Variants in SPATA6 observed in about 807,000 individuals in gnomAD.
The protein encoded by SPATA6 is spermatogenesis associated 6, also known as spermatogenesis-associated protein 6.
SPATA6 carries 56 observed loss-of-function variants against 65.3 expected under a neutral mutation model. That is an observed-to-expected ratio of 0.86 (90% CI 0.69 to 1.07). The LOEUF (loss-of-function observed/expected upper bound fraction) is 1.07, where lower values mean the gene tolerates loss of function less well. Among genes scored for constraint, SPATA6 ranks in the 50% least tolerant of loss-of-function variants. The probability of loss-of-function intolerance (pLI) is 0.00; values close to 1 mark genes in which losing one functional copy is unlikely to be tolerated. For missense variants in SPATA6, 590 were observed against 594.8 expected, an observed-to-expected ratio of 0.99 and a Z score of 0.08; for synonymous variants, 199 against 213.2, an observed-to-expected ratio of 0.93 and a Z score of 0.58.
At chr1:48,309,171 C>G (rs914206369) in intron 11 of SPATA6, among the ~76,000 whole-genome samples, 1 of 152,078 alleles carries the variant, frequency 6.6e-6, no homozygotes, top group African/African-American at 2.4e-5. Flanking sequence ...TGGCAAGGAC[C>G]ATTATTTCTC....
At chr1:48,434,066 T>C (rs540928962) in intron 3 of SPATA6, among the ~76,000 whole-genome samples, 22 of 152,226 alleles carry the variant, frequency 1.4e-4, no homozygotes, top group Admixed American at 1.3e-3. Context: ...AATTTTCAAA[T>C]ACAAAATACA....
chr1:48,384,099 C>G (rs1649134450), intron 9 of SPATA6, among the ~76,000 whole-genome samples: 1 of 150,796 alleles, frequency 6.6e-6, no homozygotes, highest in South Asian at 2.1e-4. Context: ...CTCGGGAGGC[C>G]GAGGCTGGCG....
chr1:48,385,691 C>T (rs557083960), intron 8 of SPATA6, among the ~76,000 whole-genome samples: 36 of 152,240 alleles, frequency 2.4e-4, no homozygotes, highest in Middle Eastern at 6.8e-3. Context: ...TTTGTATTCA[C>T]AGATTTGACA....
Position 48,411,592 on chromosome 1 carries a change from CAAGA to C in SPATA6, c.281-8_281-5del, listed in dbSNP as rs1204541251. ...TACGTAGACAGTGTTTCACCCACTA[CAAGA>C]AAGATACCCTATGATTCAAATTATA... On this transcript the variant is annotated splice_polypyrimidine_tract_variant and splice_region_variant and intron_variant, in intron 4 of 12. Coordinates refer to ENST00000371847, the MANE Select transcript of SPATA6 (RefSeq NM_019073.4). 3.9e-5 allele frequency: 60 copies of C among 1,558,304 alleles called. 1 individual carries two copies. Among genetic ancestry groups the C allele is most frequent in the Non-Finnish European group, 5.0e-5 (58 of 1,154,998 alleles).
chr1:48,467,792 C>T (rs1396555216), intron 1 of SPATA6, among the ~76,000 whole-genome samples: 1 of 152,098 alleles, frequency 6.6e-6, no homozygotes, highest in Non-Finnish European at 1.5e-5. Flanking sequence ...TGAAAAGGTG[C>T]TTACCATCTC....
chr1:48,295,087 A>G (rs1219579956), downstream of SPATA6, among the ~76,000 whole-genome samples: 1 of 152,220 alleles, frequency 6.6e-6, no homozygotes, highest in African/African-American at 2.4e-5. Flanking sequence ...TAAATTGATG[A>G]GGCTTGAATG....
chr1:48,285,470 G>C, the SPATA6 span, among the ~76,000 whole-genome samples: 1 of 105,968 alleles, frequency 9.4e-6, no homozygotes, highest in Non-Finnish European at 1.9e-5. Flanking sequence ...AGGTGCCACT[G>C]GGGTATGAAA....
intron 1 of SPATA6, among the ~76,000 whole-genome samples, chr1:48,457,879 C>T (rs1399204287): frequency 6.6e-6 from 1 of 151,646 alleles, no homozygotes; most frequent in East Asian, 1.9e-4. Flanking sequence ...TCTTATTTCT[C>T]CTATTTTATT....
At chr1:48,278,166 C>T in the SPATA6 span, among the ~76,000 whole-genome samples, 5 of 152,058 alleles carry the variant, frequency 3.3e-5, no homozygotes, top group African/African-American at 1.2e-4. Flanking sequence ...GACATCCACA[C>T]CAAAAACTCA....
intron 8 of SPATA6, among the ~76,000 whole-genome samples, chr1:48,387,707 C>T (rs146426447): frequency 6.6e-6 from 1 of 152,306 alleles, no homozygotes; most frequent in African/African-American, 2.4e-5. Flanking sequence ...GGCCAGAAGA[C>T]TGCCCAGCCC....
At chr1:48,320,016 G>A (rs114594958) in intron 11 of SPATA6, among the ~76,000 whole-genome samples, 3,783 of 152,158 alleles carry the variant, frequency 0.025, 131 homozygotes, top group Admixed American at 0.093. Flanking sequence ...ACCCTTCCCC[G>A]CCTGTGGACT....
At chr1:48,304,651 A>C (rs753628426) in intron 12 of SPATA6, among the ~76,000 whole-genome samples, 2 of 152,148 alleles carry the variant, frequency 1.3e-5, no homozygotes, top group Non-Finnish European at 2.9e-5. Context: ...GCCCCATGAT[A>C]TCTCTTAAAA....
chr1:48,292,071 G>T (rs1382489429), downstream of SPATA6, among the ~76,000 whole-genome samples: 1 of 152,034 alleles, frequency 6.6e-6, no homozygotes, highest in African/African-American at 2.4e-5. Context: ...ATTTCTTTGG[G>T]GTCAGTTACT....
chr1:48,414,226 G>A (rs1557681837), intron 3 of SPATA6, among the ~76,000 whole-genome samples: 1 of 152,152 alleles, frequency 6.6e-6, no homozygotes, highest in East Asian at 1.9e-4. Flanking sequence ...TTACTTCCAG[G>A]AGTTCTACTA....
intron 1 of SPATA6, among the ~76,000 whole-genome samples, chr1:48,455,037 T>C (rs901911247): frequency 6.6e-6 from 1 of 152,208 alleles, no homozygotes; most frequent in African/African-American, 2.4e-5. Flanking sequence ...CCTTTTGCTC[T>C]AATATATTCC....
chr1:48,289,052 G>A, the SPATA6 span, among the ~76,000 whole-genome samples: 1 of 151,974 alleles, frequency 6.6e-6, no homozygotes, highest in Non-Finnish European at 1.5e-5. Context: ...GCCACCTCAA[G>A]TGGGTTCCTG....
chr1:48,363,817 A>T (rs1043211879), intron 9 of SPATA6, among the ~76,000 whole-genome samples: 2 of 151,034 alleles, frequency 1.3e-5, no homozygotes, highest in Non-Finnish European at 1.5e-5. Flanking sequence ...TATTATTATT[A>T]TACTTTAAGT....
chr1:48,409,363 T>C (rs1652000507), intron 5 of SPATA6, among the ~76,000 whole-genome samples: 1 of 152,250 alleles, frequency 6.6e-6, no homozygotes, highest in African/African-American at 2.4e-5. Flanking sequence ...GCTCCGCCCC[T>C]GTGGCTTTGC....
intron 1 of SPATA6, among the ~76,000 whole-genome samples, chr1:48,464,798 T>C (rs1657694302): frequency 6.6e-6 from 1 of 152,142 alleles, no homozygotes; most frequent in African/African-American, 2.4e-5. Context: ...GACAGCCCAA[T>C]GGAGCAATCT....
Sources: allele counts gnomAD v4.1 joint callset (sites outside exome capture counted in the v4.1 genomes callset), GRCh38; gene constraint gnomAD v4.1.1; transcripts MANE v1.5; gene names NCBI Gene and HGNC (gene_info 2026-07-23, HGNC 2026-07-21).